The following APBA2 variants were observed in gnomAD, a reference collection of about 807,000 sequenced individuals.
APBA2 encodes the protein amyloid-beta A4 precursor protein-binding family A member 2.
A neutral mutation model predicts 75.0 loss-of-function variants in APBA2; 30 were observed. The ratio of observed to expected loss-of-function variants is 0.40; its 90% CI spans 0.30 to 0.54. APBA2 has a LOEUF of 0.54. Among genes scored for constraint, APBA2 ranks in the 20% least tolerant of loss-of-function variants. The pLI is 0.49. For synonymous variants in APBA2, 444 were observed against 409.6 expected (o/e 1.08, Z -1.01); for missense variants, 801 against 1,016.1 (o/e 0.79, Z 2.88).
At chr15:29,030,512 A>T (rs1219692830) in intron 3 of APBA2, among the ~76,000 whole-genome samples, 2 of 151,828 alleles carry the variant, frequency 1.3e-5, no homozygotes, top group Non-Finnish European at 2.9e-5. Context: ...ATAAAGGAGA[A>T]ACGCTTAAGG....
chr15:29,055,414 A>G (rs1289197742), intron 4 of APBA2, among the ~76,000 whole-genome samples: 1 of 152,214 alleles, frequency 6.6e-6, no homozygotes, highest in African/African-American at 2.4e-5. Flanking sequence ...ACCTCGGGGA[A>G]GAAACGCATG....
chr15:29,098,066 G>A (rs1443246710), intron 8 of APBA2, among the ~76,000 whole-genome samples: 1 of 152,208 alleles, frequency 6.6e-6, no homozygotes, highest in Non-Finnish European at 1.5e-5. Context: ...TGGACTTCGG[G>A]TTGATCCCAT....
chr15:29,006,088 A>G (rs373957099), intron 3 of APBA2, among the ~76,000 whole-genome samples: 14 of 152,176 alleles, frequency 9.2e-5, no homozygotes, highest in African/African-American at 3.1e-4. Context: ...AGCCAGAACA[A>G]TTTGGCAAGA....
chr15:28,955,044 C>T (rs1051501650), intron 2 of APBA2, among the ~76,000 whole-genome samples: 1 of 152,128 alleles, frequency 6.6e-6, no homozygotes, highest in Non-Finnish European at 1.5e-5. Flanking sequence ...TCACCCAGTC[C>T]CCTGGCCTTT....
At chr15:28,958,462 G>C (rs983795835) in intron 2 of APBA2, among the ~76,000 whole-genome samples, 1 of 152,242 alleles carries the variant, frequency 6.6e-6, no homozygotes, top group African/African-American at 2.4e-5. Flanking sequence ...GTAGCGTTTT[G>C]GGATAATTCT....
chr15:28,936,771 T>G (rs2034896794), intron 2 of APBA2, among the ~76,000 whole-genome samples: 1 of 152,288 alleles, frequency 6.6e-6, no homozygotes, highest in East Asian at 1.9e-4. Context: ...CAGTGGGGCC[T>G]GCACAGGATG....
At chr15:29,075,903 C>A in intron 5 of APBA2, 152 bp from the exon 6 acceptor site, 1 of 726,246 alleles carries the variant, frequency 1.4e-6, no homozygotes, top group East Asian at 2.5e-5. Flanking sequence ...AGACTGGTTT[C>A]CTGTATGGAG....
At chr15:29,075,940 A>T in intron 5 of APBA2, 115 bp from the exon 6 acceptor site, 1 of 917,034 alleles carries the variant, frequency 1.1e-6, no homozygotes, top group East Asian at 2.4e-5. Flanking sequence ...ACCATCACTC[A>T]TGGGGGGTTT....
intron 1 of APBA2, among the ~76,000 whole-genome samples, chr15:28,896,855 T>C (rs2032523824): frequency 6.6e-6 from 1 of 152,232 alleles, no homozygotes; most frequent in Non-Finnish European, 1.5e-5. Flanking sequence ...ACTGGAGTTA[T>C]AATACATTAA....
rs1476721058 is a variant in APBA2, at chr15:29,101,603, C to A, written c.1343C>A (p.Thr448Asn). 6.2e-7 allele frequency: 1 copy of A among 1,613,054 alleles called. No individual in the cohort carries two copies. Among genetic ancestry groups the A allele is most frequent in the Non-Finnish European group, 8.5e-7 (1 of 1,179,806 alleles). ...IKVLNADTQE[T>N]MMDHALRTIS... ...GCACTGTCTCCCTCCCGACAGGAAA[C>A]CATGATGGACCACGCCTTGCGTACC... is the stretch of plus-strand genomic sequence containing the variant. Residue 448 changes from threonine (T) to asparagine (N), a missense_variant, in exon 10 of 15, where the codon ACC (threonine) becomes AAC (asparagine). Physicochemically the swap from Thr to Asn is moderately conservative, Grantham distance 65. Transcript: ENST00000683413.
intron 2 of APBA2, among the ~76,000 whole-genome samples, chr15:28,974,862 ATAAACT>A (rs984768635): frequency 2.8e-4 from 42 of 152,204 alleles, no homozygotes; most frequent in African/African-American, 8.0e-4. Context: ...AAATAGCCAA[ATAAACT>A]TAGAGTAGAA....
intron 9 of APBA2, 69 bp downstream of exon 9, chr15:29,098,645 A>G (rs1363834266): frequency 1.6e-6 from 2 of 1,283,104 alleles, no homozygotes; most frequent in Non-Finnish European, 2.3e-6. Flanking sequence ...GTCCCATGGT[A>G]TAGGCCCTCG....
chr15:29,061,063 C>T (rs2042110209), intron 4 of APBA2, among the ~76,000 whole-genome samples: 1 of 152,150 alleles, frequency 6.6e-6, no homozygotes, highest in South Asian at 2.1e-4. Context: ...AACTCACCCA[C>T]ACTCCTGGGG....
intron 6 of APBA2, among the ~76,000 whole-genome samples, chr15:29,077,726 G>T (rs1231314386): frequency 6.6e-6 from 1 of 152,202 alleles, no homozygotes. Context: ...AGTTTCTTCT[G>T]TAGGAGAGAA....
chr15:28,888,032 C>G (rs563174746), intron 1 of APBA2, among the ~76,000 whole-genome samples: 2 of 152,090 alleles, frequency 1.3e-5, no homozygotes, highest in African/African-American at 2.4e-5. Context: ...AACTGGTGAC[C>G]GTCAGCTCCT....
At chr15:29,100,038 G>A (rs35309277) in intron 9 of APBA2, among the ~76,000 whole-genome samples, 20 of 152,236 alleles carry the variant, frequency 1.3e-4, no homozygotes, top group Non-Finnish European at 2.2e-4. Context: ...TTGGGGCAGA[G>A]GAGCTGGAGA....
chr15:28,994,754 T>C (rs2152790632), intron 2 of APBA2, among the ~76,000 whole-genome samples: 1 of 152,206 alleles, frequency 6.6e-6, no homozygotes, highest in Middle Eastern at 3.4e-3. Flanking sequence ...GACTAAACCT[T>C]TGTGATGAAG....
At chr15:28,970,610 C>G (rs1346559086) in intron 2 of APBA2, 1 of 151,002 alleles carries the variant, frequency 6.6e-6, no homozygotes, top group African/African-American at 2.4e-5. Flanking sequence ...TCTAGTGTAG[C>G]AAAGAATTTA....
At chr15:28,914,972 A>C (rs1172400033) in intron 1 of APBA2, among the ~76,000 whole-genome samples, 1 of 148,352 alleles carries the variant, frequency 6.7e-6, no homozygotes, top group Non-Finnish European at 1.5e-5. Context: ...CACCACACGC[A>C]TACCCCATAC....
Sources: allele counts gnomAD v4.1 joint callset (sites outside exome capture counted in the v4.1 genomes callset), GRCh38; gene constraint gnomAD v4.1.1; transcripts MANE v1.5; gene names NCBI Gene and HGNC (gene_info 2026-07-23, HGNC 2026-07-21).